The following DLG2 variants were observed in gnomAD, a reference collection of about 807,000 sequenced individuals.
The protein encoded by DLG2 is discs large MAGUK scaffold protein 2.
Under a neutral mutation model 132.5 loss-of-function variants are expected in DLG2, and 45 were observed. That is an observed-to-expected ratio of 0.34 (90% CI 0.27 to 0.44). The LOEUF (loss-of-function observed/expected upper bound fraction) is 0.44, where lower values mean the gene tolerates loss of function less well. Among genes scored for constraint, DLG2 ranks in the 20% least tolerant of loss-of-function variants. DLG2 has a pLI of 1.00. For synonymous variants in DLG2, 424 were observed against 419.6 expected (o/e 1.01, Z -0.13); for missense variants, 1,045 against 1,196.9 (o/e 0.87, Z 1.87).
intron 4 of DLG2, among the ~76,000 whole-genome samples, chr11:85,267,821 A>C (rs1035296203): frequency 1.3e-5 from 2 of 152,124 alleles, no homozygotes; most frequent in African/African-American, 2.4e-5. Context: ...ACTCTATAAC[A>C]AAATAATTGT....
At position 84,703,883 on chromosome 11, in the gene DLG2, T is replaced by C. The variant is rs867232481; in HGVS notation, c.358-169152A>G. Among the ~76,000 whole-genome samples the C allele has an allele frequency of 2.9e-4, 35 of 119,916 alleles. 1 individual carries two copies. In the South Asian group the frequency reaches 4.9e-3, roughly 17 times the overall value. The allele number at this position is 119,916 out of a possible 152,430, so 78.7% of individuals were successfully genotyped here. On this transcript the variant is annotated intron_variant, in intron 6 of 27. Coordinates refer to ENST00000376104, the MANE Select transcript of DLG2 (RefSeq NM_001142699.3). ...ATATATATATATATATATATATATATACACGTGTGTGTGTGTGTGTGTGTG... is the reference window on the plus strand; with the variant it reads ...ATATATATATATATATATATATATACACACGTGTGTGTGTGTGTGTGTGTG...
Position 83,713,474 on chromosome 11 carries a change from G to A in DLG2, c.1825+73216C>T, listed in dbSNP as rs189033531. Among the ~76,000 whole-genome samples the A allele has an allele frequency of 2.6e-4, 39 of 152,284 alleles. 1 individual carries two copies. The highest frequency in any genetic ancestry group is 9.1e-4 in the African/African-American group (38 of 41,560). ...AGAAGCCTAAAGAAAGTATTTAAATGTAGGGTTCATGTTCCTACGTGAGCA... is the reference window on the plus strand; with the variant it reads ...AGAAGCCTAAAGAAAGTATTTAAATATAGGGTTCATGTTCCTACGTGAGCA... On this transcript the variant is annotated intron_variant, in intron 18 of 27. Coordinates refer to ENST00000376104, the MANE Select transcript of DLG2 (RefSeq NM_001142699.3).
chr11:85,258,689 A>C (rs1003000689), intron 4 of DLG2, among the ~76,000 whole-genome samples: 8 of 152,230 alleles, frequency 5.3e-5, no homozygotes, highest in African/African-American at 1.9e-4. Flanking sequence ...AAACTCTTCT[A>C]CAATACGCAG....
intron 6 of DLG2, among the ~76,000 whole-genome samples, chr11:84,581,764 G>A (rs756264977): frequency 1.3e-4 from 20 of 151,882 alleles, no homozygotes; most frequent in African/African-American, 1.9e-4. Flanking sequence ...AAAATTAGCC[G>A]GGCATGGTGG....
intron 8 of DLG2, among the ~76,000 whole-genome samples, chr11:84,183,689 T>G (rs1596883031): frequency 6.6e-6 from 1 of 152,194 alleles, no homozygotes. Context: ...ACTCCTCATT[T>G]ACATCAGGTA....
At chr11:83,486,548 T>G (rs954493139) in intron 21 of DLG2, among the ~76,000 whole-genome samples, 1 of 152,086 alleles carries the variant, frequency 6.6e-6, no homozygotes, top group Non-Finnish European at 1.5e-5. Flanking sequence ...GATTAATTCT[T>G]TTATGTTTCA....
chr11:83,956,664 A>G (rs1388658668), intron 14 of DLG2, among the ~76,000 whole-genome samples: 1 of 152,254 alleles, frequency 6.6e-6, no homozygotes, highest in Non-Finnish European at 1.5e-5. Context: ...AGCATATAAG[A>G]AAAGATTTCT....
At chr11:84,247,255 G>A (rs1411737827) in intron 8 of DLG2, among the ~76,000 whole-genome samples, 1 of 152,096 alleles carries the variant, frequency 6.6e-6, no homozygotes, top group Non-Finnish European at 1.5e-5. Context: ...GGAGAGGAGA[G>A]CGCAATGTCA....
At chr11:85,624,131 GAA>G (rs1458891543) in intron 2 of DLG2, among the ~76,000 whole-genome samples, 1 of 152,146 alleles carries the variant, frequency 6.6e-6, no homozygotes, top group Non-Finnish European at 1.5e-5. Context: ...GTAAAAATGC[GAA>G]GAGACTAGAG....
intron 14 of DLG2, among the ~76,000 whole-genome samples, chr11:83,942,102 C>A (rs1179091547): frequency 6.6e-6 from 1 of 152,024 alleles, no homozygotes; most frequent in Non-Finnish European, 1.5e-5. Context: ...AAGCAAACCA[C>A]TGGAAAAAAT....
intron 6 of DLG2, among the ~76,000 whole-genome samples, chr11:84,867,156 C>T (rs2067250760): frequency 1.3e-5 from 2 of 152,172 alleles, no homozygotes. Context: ...CATTTCCGGC[C>T]CTCAAGGGAG....
rs529617619 is a variant in DLG2, at chr11:85,200,877, G to A, written c.187-46226C>T. Reference sequence around the variant, plus strand: ...TGCTAGGAATCACAGACCTGTCTGAGCTAATGAATCTGAGCTTTCCAGCCT... The same window carrying A: ...TGCTAGGAATCACAGACCTGTCTGAACTAATGAATCTGAGCTTTCCAGCCT... On this transcript the variant is annotated intron_variant, in intron 4 of 27. Coordinates refer to ENST00000376104, the MANE Select transcript of DLG2 (RefSeq NM_001142699.3). Among the ~76,000 whole-genome samples, 4 of 152,114 alleles carry A rather than the reference G, an allele frequency of 2.6e-5. No homozygotes were observed. In the East Asian group the frequency reaches 5.8e-4, roughly 22 times the overall value.
At chr11:83,712,845 T>A (rs1449271132) in intron 18 of DLG2, among the ~76,000 whole-genome samples, 1 of 151,990 alleles carries the variant, frequency 6.6e-6, no homozygotes, top group Non-Finnish European at 1.5e-5. Context: ...TCAGGAAGAA[T>A]AGCTAATGGA....
chr11:84,334,346 G>A (rs1329682722), intron 7 of DLG2, among the ~76,000 whole-genome samples: 2 of 152,140 alleles, frequency 1.3e-5, no homozygotes, highest in East Asian at 1.9e-4. Context: ...GAGGTTTTAG[G>A]GGACACTCCT....
intron 6 of DLG2, among the ~76,000 whole-genome samples, chr11:85,106,948 A>T (rs1283243339): frequency 6.6e-6 from 1 of 152,074 alleles, no homozygotes; most frequent in Non-Finnish European, 1.5e-5. Context: ...ATGTGTTGCC[A>T]AGTATAATTA....
At chr11:84,627,076 G>T (rs1220577589) in intron 6 of DLG2, among the ~76,000 whole-genome samples, 1 of 151,910 alleles carries the variant, frequency 6.6e-6, no homozygotes, top group Non-Finnish European at 1.5e-5. Flanking sequence ...TTGCCATGTT[G>T]GCCAGGCTGG....
intron 7 of DLG2, among the ~76,000 whole-genome samples, chr11:84,350,191 A>C (rs2098557616): frequency 6.6e-6 from 1 of 150,918 alleles, no homozygotes; most frequent in African/African-American, 2.4e-5. Flanking sequence ...CCCCAAAAAA[A>C]AAAAAAAAAA....
chr11:84,932,349 T>C (rs2048193326), intron 6 of DLG2, among the ~76,000 whole-genome samples: 1 of 152,234 alleles, frequency 6.6e-6, no homozygotes, highest in African/African-American at 2.4e-5. Flanking sequence ...ACTAGCCAGT[T>C]AGCACCATTA....
chr11:83,921,215 G>T (rs115648210), intron 15 of DLG2, among the ~76,000 whole-genome samples: 2 of 152,066 alleles, frequency 1.3e-5, no homozygotes, highest in South Asian at 4.1e-4. Context: ...AGTGATTGTT[G>T]TAATCATTAT....
Sources: gnomAD v4.1 joint callset for allele counts (sites outside exome capture counted in the v4.1 genomes callset) on GRCh38, gnomAD v4.1.1 for gene constraint, MANE v1.5 for transcripts, NCBI Gene and HGNC (gene_info 2026-07-23, HGNC 2026-07-21) for gene names.